Variants in GPR161 observed in about 807,000 individuals in gnomAD.
GPR161 encodes the protein G protein-coupled receptor 161.
Under a neutral mutation model 39.2 loss-of-function variants are expected in GPR161, and 25 were observed. That is an observed-to-expected ratio of 0.64 (90% CI 0.47 to 0.89). The LOEUF (loss-of-function observed/expected upper bound fraction) is 0.89, where lower values mean the gene tolerates loss of function less well. GPR161 is among the 40% of genes least tolerant of loss of function. The probability of loss-of-function intolerance (pLI) is 0.00; values close to 1 mark genes in which losing one functional copy is unlikely to be tolerated. For synonymous variants in GPR161, 286 were observed against 276.6 expected (o/e 1.03, Z -0.34); for missense variants, 547 against 677.8 (o/e 0.81, Z 2.14).
chr1:168,130,446 A>G (rs1698905683), intron 1 of GPR161, among the ~76,000 whole-genome samples: 1 of 152,188 alleles, frequency 6.6e-6, no homozygotes, highest in Non-Finnish European at 1.5e-5. Flanking sequence ...GAACCTTAGC[A>G]TGAAGAAAGG....
chr1:168,122,335 T>G (rs1312666340), intron 1 of GPR161, among the ~76,000 whole-genome samples: 6 of 152,214 alleles, frequency 3.9e-5, no homozygotes, highest in Non-Finnish European at 7.3e-5. Flanking sequence ...CTTACTATTC[T>G]CTGCTACCAC....
At chr1:168,118,915 C>G (rs1697860557) in intron 1 of GPR161, among the ~76,000 whole-genome samples, 1 of 151,246 alleles carries the variant, frequency 6.6e-6, no homozygotes, top group African/African-American at 2.4e-5. Context: ...TGGCTACTAT[C>G]AAAAAGAAAA....
At chr1:168,099,023 G>A (rs546239153) in intron 2 of GPR161, among the ~76,000 whole-genome samples, 7 of 152,190 alleles carry the variant, frequency 4.6e-5, no homozygotes, top group Admixed American at 2.0e-4. Context: ...TCCTAGGAAC[G>A]AATGAGGAAG....
chr1:168,102,435 G>T lies in GPR161; in HGVS notation c.374+2042C>A, dbSNP rs112140978. The stretch of plus-strand genomic sequence containing the variant: ...CAACTGTAAACCCCTGGTGGGCAGG[G>T]TCTGTGTCCTGCTCATGCTTGTAGC... On this transcript the variant is annotated intron_variant, in intron 2 of 5. Transcript: ENST00000682931. Among the ~76,000 whole-genome samples, 443 of 152,302 alleles carry T rather than the reference G, an allele frequency of 2.9e-3. 1 individual carries two copies. Among genetic ancestry groups the T allele is most frequent in the African/African-American group, 0.01 (421 of 41,556 alleles).
chr1:168,086,553 ATG>A (rs1694513675), intron 5 of GPR161, among the ~76,000 whole-genome samples: 1 of 152,110 alleles, frequency 6.6e-6, no homozygotes. Flanking sequence ...CCACTCACTC[ATG>A]GCAGGGGAGG....
chr1:168,137,540 C>A, upstream of GPR161: 2 of 727,496 alleles, frequency 2.7e-6, no homozygotes, highest in South Asian at 3.2e-5. Context: ...TGCTGCCCTG[C>A]ACTCCCTCGG....
At position 168,082,996 on chromosome 1, in the gene GPR161, C is replaced by T. The variant is rs1694179843; in HGVS notation, c.*2535G>A. ...GCCAAGCATCCTTCAAGACTTAGCT[C>T]AAACTGTCACTTACCTCATGGAGCC... On this transcript the variant is annotated 3_prime_UTR_variant, in exon 6 of 6. Coordinates refer to ENST00000682931, the MANE Select transcript of GPR161 (RefSeq NM_001375883.1). 6.6e-6 allele frequency: 1 copy of T among 152,170 alleles called. No homozygotes were observed. The highest frequency in any genetic ancestry group is 6.5e-5 in the Admixed American group (1 of 15,288). 9.4% of individuals were successfully genotyped at this position (152,170 alleles called of 1,614,324 possible).
At chr1:168,131,456 C>T (rs184591936) in intron 1 of GPR161, among the ~76,000 whole-genome samples, 10 of 151,842 alleles carry the variant, frequency 6.6e-5, no homozygotes, top group Admixed American at 5.9e-4. Context: ...TCCTCACCCA[C>T]CTGGAGAAGA....
chr1:168,125,513 C>T (rs1035411929), intron 1 of GPR161, among the ~76,000 whole-genome samples: 1 of 152,116 alleles, frequency 6.6e-6, no homozygotes, highest in Non-Finnish European at 1.5e-5. Context: ...TTCAAAAGGC[C>T]AACTCCAGAA....
chr1:168,096,894 C>G lies in GPR161; in HGVS notation c.713G>C (p.Gly238Ala), dbSNP rs540899616. The stretch of plus-strand genomic sequence containing the variant: ...GGTGGAGGTGCTGGAGTTCTTCCTC[C>G]CGGTCCTCTGAGCATCCTCCTCCAC... ...VIVEEDAQRT[G>A]RKNSSTSTSS... The change falls in exon 3 of 6, where the codon GGG becomes GCG. Residue 238 changes from glycine (G) to alanine (A), a missense_variant. Physicochemically the swap from Gly to Ala is moderately conservative, Grantham distance 60. Coordinates refer to ENST00000682931, the MANE Select transcript of GPR161 (RefSeq NM_001375883.1). 6.2e-6 allele frequency: 10 copies of G among 1,614,158 alleles called. No individual in the cohort carries two copies. The Admixed American group carries it at 1.5e-4, about 24-fold the overall frequency.
At chr1:168,132,370 G>A (rs1377179532) in intron 1 of GPR161, among the ~76,000 whole-genome samples, 4 of 151,816 alleles carry the variant, frequency 2.6e-5, no homozygotes, top group Admixed American at 6.6e-5. Context: ...GGCGGATCAC[G>A]AGGTCAGGAG....
In GPR161 at chr1:168,119,254, A is replaced by ATGTG. The variant is rs1697936783; in HGVS notation, c.-44-14361_-44-14360insCACA. ...TATATATATATATACACATATATAT[A>ATGTG]TACGTATATATATGTGTATATATAT... On this transcript the variant is annotated intron_variant, in intron 1 of 5. Coordinates refer to ENST00000682931, the MANE Select transcript of GPR161 (RefSeq NM_001375883.1). 1.2e-3 allele frequency among the ~76,000 whole-genome samples: 138 copies of ATGTG among 115,174 alleles called. 5 individuals carry two copies. Among genetic ancestry groups the ATGTG allele is most frequent in the African/African-American group, 3.9e-3 (99 of 25,548 alleles). The allele number at this position is 115,174 out of a possible 152,430, so 75.6% of individuals were successfully genotyped here. A position where few individuals can be genotyped will look rare whatever the true frequency, so the allele number is the denominator to read the frequency against.
chr1:168,135,034 AG>A, intron 1 of GPR161: 1 of 1,520,472 alleles, frequency 6.6e-7, no homozygotes, highest in African/African-American at 1.4e-5. Context: ...ACAGTGCACC[AG>A]GCTGCAACAC....
chr1:168,127,207 G>A (rs746745167), intron 1 of GPR161, among the ~76,000 whole-genome samples: 40 of 152,078 alleles, frequency 2.6e-4, no homozygotes, highest in Non-Finnish European at 5.1e-4. Flanking sequence ...CAAGCTGGCC[G>A]GGCACAGTGG....
At position 168,079,575 on chromosome 1, in the gene GPR161, CAAA is replaced by C. The variant is rs896423695; in HGVS notation, c.*5953_*5955del. The C allele has an allele frequency of 1.3e-5, 2 of 152,032 alleles. No individual in the cohort carries two copies. The highest frequency in any genetic ancestry group is 4.8e-5 in the African/African-American group (2 of 41,352). The allele number at this position is 152,032 out of a possible 1,614,324, so 9.4% of individuals were successfully genotyped here. A position where few individuals can be genotyped will look rare whatever the true frequency, so the allele number is the denominator to read the frequency against. On this transcript the variant is annotated 3_prime_UTR_variant, in exon 6 of 6. Coordinates refer to ENST00000682931, the MANE Select transcript of GPR161 (RefSeq NM_001375883.1). ...CCAAAAACATATTTAATCAGGTAAA[CAAA>C]AATTCCAAATACATTGTTGCTTATT...
At position 168,097,104 on chromosome 1, in the gene GPR161, G is replaced by C. The variant is rs1695626720; in HGVS notation, c.503C>G (p.Ser168Cys). ...CCATTTGAACTCGTCAAACTCCACG[G>C]ATGACCAACCAAACAGGGGTGGCAG... The part of the protein sequence containing the change: ...GCLPPLFGWS[S>C]VEFDEFKWMC... Residue 168 changes from serine to cysteine, a missense_variant, in exon 3 of 6, where the codon TCC (serine) becomes TGC (cysteine). Physicochemically the swap from Ser to Cys is moderately radical, Grantham distance 112 (BLOSUM62 -1). Coordinates refer to ENST00000682931, the MANE Select transcript of GPR161 (RefSeq NM_001375883.1). 5 of 1,614,042 alleles carry C rather than the reference G, an allele frequency of 3.1e-6. No homozygotes were observed. In the East Asian group the frequency reaches 1.1e-4, roughly 36 times the overall value.
intron 1 of GPR161, among the ~76,000 whole-genome samples, chr1:168,122,082 A>G (rs1474276994): frequency 6.6e-6 from 1 of 152,160 alleles, no homozygotes; most frequent in East Asian, 1.9e-4. Flanking sequence ...TCCGACCAAA[A>G]TCTCCACCTG....
rs773768670 is a variant in GPR161 at position 168,104,876 on chromosome 1, G to T, written c.-26C>A. 6.2e-7 allele frequency: 1 copy of T among 1,609,302 alleles called. No individual in the cohort carries two copies. Among genetic ancestry groups the T allele is most frequent in the Non-Finnish European group, 8.5e-7 (1 of 1,176,264 alleles). On this transcript the variant is annotated 5_prime_UTR_variant, in exon 2 of 6. Transcript: ENST00000682931. Reference sequence around the variant, plus strand: ...GGTCAGTGCACCTCGGCGTGGGGTGGGCAGAGCATGCTGGACGACTGGAAA... The same window carrying T: ...GGTCAGTGCACCTCGGCGTGGGGTGTGCAGAGCATGCTGGACGACTGGAAA...
chr1:168,132,632 T>C (rs1243802722), intron 1 of GPR161, among the ~76,000 whole-genome samples: 4 of 151,788 alleles, frequency 2.6e-5, no homozygotes, highest in Admixed American at 6.6e-5. Flanking sequence ...AAGATCTAGA[T>C]TGAACTTTTT....
Sources: gnomAD v4.1 joint callset for allele counts (sites outside exome capture counted in the v4.1 genomes callset) on GRCh38, gnomAD v4.1.1 for gene constraint, MANE v1.5 for transcripts, NCBI Gene and HGNC (gene_info 2026-07-23, HGNC 2026-07-21) for gene names.